The following CFHR1 variants were observed in gnomAD, a reference collection of about 807,000 sequenced individuals.
CFHR1 encodes the protein complement factor H-related protein 1.
CFHR1 carries 22 observed loss-of-function variants against 30.4 expected under a neutral mutation model. That is an observed-to-expected ratio of 0.72 (90% CI 0.52 to 1.03). The LOEUF (loss-of-function observed/expected upper bound fraction) is 1.03. Ranked by LOEUF, CFHR1 falls within the 50% of genes least tolerant of loss-of-function variation. The probability of loss-of-function intolerance (pLI) is 0.00; values close to 1 mark genes in which losing one functional copy is unlikely to be tolerated. For synonymous variants in CFHR1, 95 were observed against 129.1 expected, an observed-to-expected ratio of 0.74 and a Z score of 1.79; for missense variants, 248 against 380.6, an observed-to-expected ratio of 0.65 and a Z score of 2.90.
In CFHR1 at chr1:196,830,073, T is replaced by A. The variant is rs1395267230; in HGVS notation, c.608-427T>A. Among the ~76,000 whole-genome samples, 41 of 135,686 alleles carry A rather than the reference T, an allele frequency of 3.0e-4. 12 individuals carry two copies. The highest frequency in any genetic ancestry group is 1.2e-3 in the African/African-American group (38 of 31,918). The allele number at this position is 135,686 out of a possible 152,430, so 89.0% of individuals were successfully genotyped here. On this transcript the variant is annotated intron_variant, in intron 4 of 5. Transcript: ENST00000320493. ...TATTATTAAGTATATTCAGTGTTTT[T>A]AAAAAATTTTTATCATACTTTTCCA...
At chr1:196,829,221 G>A (rs144629200) in intron 4 of CFHR1, among the ~76,000 whole-genome samples, 2,710 of 134,110 alleles carry the variant, frequency 0.02, 812 homozygotes, top group African/African-American at 0.083. Flanking sequence ...ACTGGAATAT[G>A]GAAAGCTTAC....
chr1:196,820,451 G>A (rs1159650844), intron 1 of CFHR1, among the ~76,000 whole-genome samples: 2 of 100,630 alleles, frequency 2.0e-5, no homozygotes, highest in Admixed American at 2.1e-4. Flanking sequence ...CTTCTTCTGA[G>A]CTCTTAAATG....
In CFHR1 at chr1:196,827,652, T is replaced by A. The variant is rs556743739; in HGVS notation, c.431-418T>A. 5.9e-5 allele frequency among the ~76,000 whole-genome samples: 8 copies of A among 135,000 alleles called. 1 individual carries two copies. In the South Asian group the frequency reaches 2.0e-3, roughly 35 times the overall value. 88.6% of individuals were successfully genotyped at this position (135,000 alleles called of 152,430 possible). On this transcript the variant is annotated intron_variant, in intron 3 of 5. Coordinates refer to ENST00000320493, the MANE Select transcript of CFHR1 (RefSeq NM_002113.3). ...TTTATTTTTAAGAGGCTAAAATGTA[T>A]AAGCAGGATGATTGCAAACAAAAAT...
chr1:196,830,995 G>A (rs1247552139), intron 5 of CFHR1, among the ~76,000 whole-genome samples: 1 of 132,980 alleles, frequency 7.5e-6, no homozygotes, highest in African/African-American at 3.3e-5. Context: ...TAACCGGCAT[G>A]GTGACGGGCA....
rs1655487371 is a variant in CFHR1 at position 196,830,140 on chromosome 1, T to A, written c.608-360T>A. 1.5e-5 allele frequency among the ~76,000 whole-genome samples: 2 copies of A among 135,476 alleles called. 1 individual carries two copies. Among genetic ancestry groups the A allele is most frequent in the Non-Finnish European group, 3.1e-5 (2 of 64,396 alleles). The allele number at this position is 135,476 out of a possible 152,430, so 88.9% of individuals were successfully genotyped here. The stretch of plus-strand genomic sequence containing the variant: ...GGATTTTTAAGAACCATCATCAATT[T>A]CAAAACCCGTGTCCTCTTAGTGTTA... On this transcript the variant is annotated intron_variant, in intron 4 of 5. Transcript: ENST00000320493.
Position 196,831,798 on chromosome 1 carries a change from T to C in CFHR1, c.792T>C (p.His264=). 6.6e-7 allele frequency: 1 copy of C among 1,523,286 alleles called. No homozygotes were observed. The highest frequency in any genetic ancestry group is 8.9e-7 in the Non-Finnish European group (1 of 1,127,134). The allele number at this position is 1,523,286 out of a possible 1,614,324, so 94.4% of individuals were successfully genotyped here. ...GQWSEPPKCL[H]PCVISREIME... ...ATGTTTACTGTTTTTTATTTTCAGA[T>C]CCGTGTGTAATATCCCGAGAAATTA... Residue 264 remains histidine, a splice_region_variant and synonymous_variant, in exon 6 of 6, where the codon CAT becomes CAC. Transcript: ENST00000320493.
rs1161365120 is a variant in CFHR1, at chr1:196,826,840, T to G, written c.265T>G (p.Phe89Val). The change falls in exon 3 of 6, where the codon TTT becomes GTT. Residue 89 changes from phenylalanine (F) to valine (V), a missense_variant. This residue lies in a region of CFHR1 where 121 missense variants were observed against 162.6 expected (regional missense o/e 0.74). Transcript: ENST00000320493. The part of the protein sequence containing the change: ...PTPKCLRLCF[F>V]PFVENGHSES... ...TTTTTGGTCCTTAGGACTGTGTTTC[T>G]TTCCTTTTGTGGAAAATGGTCATTC... The G allele has an allele frequency of 1.4e-5, 21 of 1,524,746 alleles. No individual in the cohort carries two copies. Among genetic ancestry groups the G allele is most frequent in the Non-Finnish European group, 1.8e-5 (20 of 1,129,222 alleles). 94.5% of individuals were successfully genotyped at this position (1,524,746 alleles called of 1,614,324 possible).
rs1342226222 is a variant in CFHR1 at position 196,824,233 on chromosome 1, T to A, written c.59-1244T>A. Reference sequence around the variant, plus strand: ...AGTATTTGTACATAACCTGTGCATATCCTCCCATACAATTTATTTTATTTT... The same window carrying A: ...AGTATTTGTACATAACCTGTGCATAACCTCCCATACAATTTATTTTATTTT... On this transcript the variant is annotated intron_variant, in intron 1 of 5. Coordinates refer to ENST00000320493, the MANE Select transcript of CFHR1 (RefSeq NM_002113.3). 4.8e-5 allele frequency among the ~76,000 whole-genome samples: 6 copies of A among 124,422 alleles called. 3 individuals carry two copies. Among genetic ancestry groups the A allele is most frequent in the Non-Finnish European group, 9.8e-5 (6 of 61,448 alleles). The allele number at this position is 124,422 out of a possible 152,430, so 81.6% of individuals were successfully genotyped here.
At chr1:196,821,740 AGTGTGTGTGTGTGT>A (rs58358440) in intron 1 of CFHR1, among the ~76,000 whole-genome samples, 2 of 69,550 alleles carry the variant, frequency 2.9e-5, no homozygotes, top group African/African-American at 1.8e-4. Context: ...ACTGTGAGTG[AGTGTGTGTGTGTGT>A]GTGTGTGTGT....
rs147383478 is a variant in CFHR1, at chr1:196,825,596, G to A, written c.178G>A (p.Val60Met). The A allele has an allele frequency of 3.3e-6, 5 of 1,524,964 alleles. No individual in the cohort carries two copies. The highest frequency in any genetic ancestry group is 1.7e-5 in the Admixed American group (1 of 57,900). 94.5% of individuals were successfully genotyped at this position (1,524,964 alleles called of 1,614,324 possible). ...CTATTACTCCTGTGAATATAATTTT[G>A]TGTCTCCTTCAAAATCATTTTGGAC... ...VFYYSCEYNF[V>M]SPSKSFWTRI... is the part of the protein sequence containing the mutation. The change falls in exon 2 of 6, where the codon GTG (valine) becomes ATG (methionine). Residue 60 changes from valine to methionine, a missense_variant. Around this residue, in one of 3 missense-constraint regions of CFHR1, gnomAD observed 121 missense variants for 162.6 expected, o/e 0.74. Coordinates refer to ENST00000320493, the MANE Select transcript of CFHR1 (RefSeq NM_002113.3).
Position 196,827,470 on chromosome 1 carries a change from G to T in CFHR1, c.430+465G>T, listed in dbSNP as rs1226212758. On this transcript the variant is annotated intron_variant, in intron 3 of 5. Coordinates refer to ENST00000320493, the MANE Select transcript of CFHR1 (RefSeq NM_002113.3). ...TTAATCATTGGCAATTAAATTATCT[G>T]AAGTTATTTTTATTATTATAGACTT... Among the ~76,000 whole-genome samples, 2 of 135,244 alleles carry T rather than the reference G, an allele frequency of 1.5e-5. 1 individual carries two copies. Among genetic ancestry groups the T allele is most frequent in the Non-Finnish European group, 3.1e-5 (2 of 64,284 alleles). 88.7% of individuals were successfully genotyped at this position (135,244 alleles called of 152,430 possible).
At chr1:196,830,801 C>A in intron 5 of CFHR1, 119 bp downstream of exon 5, 2 of 1,324,060 alleles carry the variant, frequency 1.5e-6, no homozygotes, top group Non-Finnish European at 2.1e-6. Context: ...GCCTGCCTAC[C>A]AAAAATTTCT....
intron 1 of CFHR1, among the ~76,000 whole-genome samples, chr1:196,824,327 C>G (rs388403): frequency 0.47 from 61,903 of 131,520 alleles, 20,675 homozygotes; most frequent in African/African-American, 0.58. Context: ...GCATGATCTC[C>G]GCTCACTGCA....
chr1:196,831,233 G>A (rs1342549581), intron 5 of CFHR1, among the ~76,000 whole-genome samples: 1 of 135,820 alleles, frequency 7.4e-6, no homozygotes, highest in Non-Finnish European at 1.6e-5. Context: ...TTGACAATAT[G>A]CTGTTTTGAT....
chr1:196,826,820 G>A lies in CFHR1; in HGVS notation c.254-9G>A. ...CCATCTTGTACATTAATCCGTTTTT[G>A]GTCCTTAGGACTGTGTTTCTTTCCT... On this transcript the variant is annotated splice_polypyrimidine_tract_variant and intron_variant, in intron 2 of 5. Coordinates refer to ENST00000320493, the MANE Select transcript of CFHR1 (RefSeq NM_002113.3). The A allele has an allele frequency of 6.6e-7, 1 of 1,518,910 alleles. No individual in the cohort carries two copies. 94.1% of individuals were successfully genotyped at this position (1,518,910 alleles called of 1,614,324 possible).
intron 1 of CFHR1, among the ~76,000 whole-genome samples, chr1:196,822,863 A>G (rs1487258403): frequency 7.4e-6 from 1 of 135,094 alleles, no homozygotes; most frequent in Non-Finnish European, 1.6e-5. Context: ...CGTACTGTAC[A>G]AAATTGTGTG....
At chr1:196,828,275 T>G in intron 4 of CFHR1, 29 bp downstream of exon 4, 1 of 1,194,800 alleles carries the variant, frequency 8.4e-7, no homozygotes. Flanking sequence ...TTTAACATTT[T>G]GGGGGAGTAT....
chr1:196,823,288 TTGA>T (rs1368749370), intron 1 of CFHR1, among the ~76,000 whole-genome samples: 1 of 135,434 alleles, frequency 7.4e-6, no homozygotes, highest in Non-Finnish European at 1.6e-5. Flanking sequence ...CAATGAATAC[TTGA>T]TGAATGTCAT....
rs149014658 is a variant in CFHR1, at chr1:196,824,344, C to T, written c.59-1133C>T. Among the ~76,000 whole-genome samples, 1,068 of 133,584 alleles carry T rather than the reference C, an allele frequency of 8.0e-3. 313 individuals carry two copies. Among genetic ancestry groups the T allele is most frequent in the African/African-American group, 0.034 (1,032 of 30,798 alleles). The allele number at this position is 133,584 out of a possible 152,430, so 87.6% of individuals were successfully genotyped here. The stretch of plus-strand genomic sequence containing the variant: ...ATGATCTCCGCTCACTGCAACCTCC[C>T]CCTCCTGGGTTCAAGTGATTCTTCT... On this transcript the variant is annotated intron_variant, in intron 1 of 5. Transcript: ENST00000320493.
Sources: allele counts gnomAD v4.1 joint callset (sites outside exome capture counted in the v4.1 genomes callset), GRCh38; gene constraint gnomAD v4.1.1; regional missense constraint gnomAD v4.1.1; transcripts MANE v1.5; gene names NCBI Gene and HGNC (gene_info 2026-07-23, HGNC 2026-07-21).